PSD3: variants seen among roughly 807,000 people sequenced by gnomAD.
PSD3 encodes pleckstrin and Sec7 domain containing 3.
A neutral mutation model predicts 105.5 loss-of-function variants in PSD3; 49 were observed. That is an observed-to-expected ratio of 0.46 (90% CI 0.37 to 0.59). The LOEUF is 0.59. Ranked by LOEUF, PSD3 falls within the 20% of genes least tolerant of loss-of-function variation. The pLI is 0.00. For synonymous variants in PSD3, 557 were observed against 457.8 expected (o/e 1.22, Z -2.77); for missense variants, 1,561 against 1,263.8 (o/e 1.24, Z -3.57).
At chr8:18,896,770 T>G (rs555713384) in intron 2 of PSD3, among the ~76,000 whole-genome samples, 2 of 152,086 alleles carry the variant, frequency 1.3e-5, no homozygotes, top group African/African-American at 4.8e-5. Context: ...GTTTCCCTTT[T>G]CTCTTAATCC....
At chr8:18,586,844 T>C (rs1444138691) in intron 12 of PSD3, among the ~76,000 whole-genome samples, 3 of 152,058 alleles carry the variant, frequency 2.0e-5, no homozygotes, top group African/African-American at 4.8e-5. Flanking sequence ...CAGGATTCCT[T>C]GATGCTGAGA....
chr8:18,852,691 G>C (rs79356813), intron 4 of PSD3, among the ~76,000 whole-genome samples: 2,429 of 152,278 alleles, frequency 0.016, 30 homozygotes, highest in Non-Finnish European at 0.024. Context: ...TGCTACCCTG[G>C]AACCTGGCCA....
In PSD3 at chr8:18,552,490, G is replaced by A. The variant is rs566348186; in HGVS notation, c.2928+3719C>T. ...TTTCTCTAATGGTGCTGTGTCTTAA[G>A]GGGCCCAGGTGTTTTCCAGAACAGC... On this transcript the variant is annotated intron_variant, in intron 15 of 15. Coordinates refer to ENST00000327040, the MANE Select transcript of PSD3 (RefSeq NM_015310.4). 4.6e-5 allele frequency among the ~76,000 whole-genome samples: 7 copies of A among 152,234 alleles called. No individual in the cohort carries two copies. In the East Asian group the frequency reaches 1.4e-3, roughly 29 times the overall value.
intron 12 of PSD3, among the ~76,000 whole-genome samples, chr8:18,598,755 C>A (rs181603907): frequency 2.7e-3 from 410 of 152,024 alleles, no homozygotes; most frequent in Admixed American, 7.5e-3. Flanking sequence ...TAACAATGAA[C>A]AATCTGAAAA....
intron 1 of PSD3, among the ~76,000 whole-genome samples, chr8:18,963,380 A>G (rs1824041477): frequency 6.6e-6 from 1 of 152,202 alleles, no homozygotes. Context: ...ATTTCCTTCA[A>G]AACTTTTCTC....
At chr8:18,704,076 C>T (rs1801744719) in intron 9 of PSD3, among the ~76,000 whole-genome samples, 1 of 152,154 alleles carries the variant, frequency 6.6e-6, no homozygotes. Context: ...GCATGATGTA[C>T]CAAAATGCTA....
chr8:18,764,899 A>C (rs1806846679), intron 9 of PSD3, among the ~76,000 whole-genome samples: 1 of 152,190 alleles, frequency 6.6e-6, no homozygotes, highest in Non-Finnish European at 1.5e-5. Flanking sequence ...TGAATTCCAA[A>C]GTTGATTTTG....
At chr8:18,717,748 T>C (rs1044585608) in intron 9 of PSD3, among the ~76,000 whole-genome samples, 4 of 152,186 alleles carry the variant, frequency 2.6e-5, no homozygotes, top group Non-Finnish European at 2.9e-5. Flanking sequence ...AAACAAAATA[T>C]TCCCTTTGCC....
chr8:18,689,842 G>C (rs568248497), intron 9 of PSD3, among the ~76,000 whole-genome samples: 1 of 152,142 alleles, frequency 6.6e-6, no homozygotes, highest in Non-Finnish European at 1.5e-5. Flanking sequence ...TATTATTAGA[G>C]CTGGGAGAGG....
At chr8:19,032,249 G>T (rs1360233780) in intron 1 of PSD3, among the ~76,000 whole-genome samples, 2 of 119,714 alleles carry the variant, frequency 1.7e-5, no homozygotes, top group African/African-American at 5.9e-5. Flanking sequence ...TCATCCACTT[G>T]CACTACCCCC....
intron 1 of PSD3, among the ~76,000 whole-genome samples, chr8:19,035,389 G>T (rs925950031): frequency 1.3e-5 from 2 of 152,098 alleles, no homozygotes; most frequent in Non-Finnish European, 2.9e-5. Context: ...GCTATTAATG[G>T]ATACACAGTG....
intron 4 of PSD3, chr8:18,865,156 T>C (rs1321510739): frequency 6.8e-6 from 1 of 146,634 alleles, no homozygotes; most frequent in Non-Finnish European, 1.5e-5. Context: ...TCTACTACGG[T>C]ATCTGTCACA....
At chr8:18,727,308 G>A (rs1803397778) in intron 9 of PSD3, among the ~76,000 whole-genome samples, 2 of 130,082 alleles carry the variant, frequency 1.5e-5, no homozygotes, top group African/African-American at 6.0e-5. Flanking sequence ...CTGCACTCCA[G>A]CCCAGGAAAC....
At chr8:18,600,291 G>A (rs1461714999) in intron 12 of PSD3, 73 bp downstream of exon 12, 73 of 1,323,206 alleles carry the variant, frequency 5.5e-5, no homozygotes, top group African/African-American at 1.3e-4. Context: ...GGAGACTACC[G>A]TACATACATA....
chr8:18,939,034 A>AT (rs938927746), intron 1 of PSD3, among the ~76,000 whole-genome samples: 2 of 152,040 alleles, frequency 1.3e-5, no homozygotes, highest in Admixed American at 6.5e-5. Context: ...CAGAAAGAAC[A>AT]TTTTTAAAAA....
At chr8:18,865,743 TC>T (rs1468790781) in intron 4 of PSD3, among the ~76,000 whole-genome samples, 1 of 152,066 alleles carries the variant, frequency 6.6e-6, no homozygotes, top group Non-Finnish European at 1.5e-5. Flanking sequence ...TAGAACGTGG[TC>T]CTTTACCACT....
At chr8:18,827,401 C>T (rs770038749) in intron 4 of PSD3, among the ~76,000 whole-genome samples, 6 of 152,110 alleles carry the variant, frequency 3.9e-5, no homozygotes, top group East Asian at 3.9e-4. Flanking sequence ...GAGCCAATGT[C>T]ACTAGACTAC....
At chr8:18,858,311 C>A (rs1430998556) in intron 4 of PSD3, among the ~76,000 whole-genome samples, 1 of 152,144 alleles carries the variant, frequency 6.6e-6, no homozygotes, top group Non-Finnish European at 1.5e-5. Flanking sequence ...AACTTTATTG[C>A]TAAAAAATGC....
At chr8:18,994,082 C>G (rs1173979000) in intron 1 of PSD3, among the ~76,000 whole-genome samples, 1 of 151,964 alleles carries the variant, frequency 6.6e-6, no homozygotes, top group Non-Finnish European at 1.5e-5. Flanking sequence ...ACTGTGTGAT[C>G]TAAGGCAAAT....
Sources: gnomAD v4.1 joint callset for allele counts (sites outside exome capture counted in the v4.1 genomes callset) on GRCh38, gnomAD v4.1.1 for gene constraint, MANE v1.5 for transcripts, NCBI Gene and HGNC (gene_info 2026-07-23, HGNC 2026-07-21) for gene names.